The following CACNB2 variants were observed in gnomAD, a reference collection of about 807,000 sequenced individuals.
CACNB2 encodes calcium voltage-gated channel auxiliary subunit beta 2, also known as voltage-dependent L-type calcium channel subunit beta-2.
Under a neutral mutation model 73.3 loss-of-function variants are expected in CACNB2, and 42 were observed. That is an observed-to-expected ratio of 0.57 (90% confidence interval 0.45 to 0.74). The LOEUF is 0.74. Among genes scored for constraint, CACNB2 ranks in the 30% least tolerant of loss-of-function variants. The pLI, the probability that CACNB2 is intolerant of heterozygous loss-of-function variation, is 0.00. For missense variants in CACNB2, 940 were observed against 853.0 expected (o/e 1.10, Z -1.27); for synonymous variants, 348 against 310.3 (o/e 1.12, Z -1.28).
intron 3 of CACNB2, among the ~76,000 whole-genome samples, chr10:18,450,543 C>A (rs895649033): frequency 4.0e-5 from 6 of 151,790 alleles, no homozygotes; most frequent in African/African-American, 1.2e-4. Flanking sequence ...CTCACTGCTT[C>A]TTCAGAAAAG....
At chr10:18,443,866 C>T (rs950764294) in intron 3 of CACNB2, among the ~76,000 whole-genome samples, 4 of 152,054 alleles carry the variant, frequency 2.6e-5, no homozygotes, top group Non-Finnish European at 4.4e-5. Context: ...AGGTGCCTGC[C>T]GCCACACCTA....
chr10:18,421,083 T>C (rs754456290), intron 3 of CACNB2, among the ~76,000 whole-genome samples: 2 of 152,180 alleles, frequency 1.3e-5, no homozygotes, highest in African/African-American at 2.4e-5. Context: ...AAAATTCATA[T>C]GTATGTAAAA....
chr10:18,184,497 T>C (rs1459511179), intron 2 of CACNB2, among the ~76,000 whole-genome samples: 3 of 152,152 alleles, frequency 2.0e-5, no homozygotes, highest in Non-Finnish European at 4.4e-5. Context: ...AATACTGATA[T>C]ACTAACCAAC....
intron 2 of CACNB2, among the ~76,000 whole-genome samples, chr10:18,384,453 C>T (rs2043141736): frequency 6.6e-6 from 1 of 152,032 alleles, no homozygotes; most frequent in Non-Finnish European, 1.5e-5. Flanking sequence ...TGGCCAGGCG[C>T]AGTGGTTTAT....
chr10:18,318,400 G>A (rs963287318), intron 2 of CACNB2, among the ~76,000 whole-genome samples: 3 of 152,162 alleles, frequency 2.0e-5, no homozygotes, highest in African/African-American at 2.4e-5. Flanking sequence ...AATAATTGGT[G>A]CTGGGAAAAC....
chr10:18,297,824 G>T (rs1792708370), intron 2 of CACNB2, among the ~76,000 whole-genome samples: 1 of 152,166 alleles, frequency 6.6e-6, no homozygotes, highest in Non-Finnish European at 1.5e-5. Flanking sequence ...GCATTGGAGT[G>T]CACTATCCCT....
intron 3 of CACNB2, among the ~76,000 whole-genome samples, chr10:18,403,512 C>A (rs1377631288): frequency 6.6e-6 from 1 of 152,152 alleles, no homozygotes; most frequent in East Asian, 1.9e-4. Flanking sequence ...TGAACAGTTT[C>A]TCGGGCTTAT....
rs1564553843 is a variant in CACNB2 at position 18,442,976 on chromosome 10, ATATATATATG to A, written c.333+40943_333+40952del. 5.9e-4 allele frequency among the ~76,000 whole-genome samples: 13 copies of A among 22,080 alleles called. 2 individuals are homozygous for A. Among genetic ancestry groups the A allele is most frequent in the East Asian group, 6.8e-3 (2 of 292 alleles). The allele number at this position is 22,080 out of a possible 152,430, so 14.5% of individuals were successfully genotyped here. A position where few individuals can be genotyped will look rare whatever the true frequency, so the allele number is the denominator to read the frequency against. On this transcript the variant is annotated intron_variant, in intron 3 of 13. Coordinates refer to ENST00000324631, the MANE Select transcript of CACNB2 (RefSeq NM_201596.3). ...TATATATGTATATATATATGTGTAT[ATATATATATG>A]TATATATATATGTGTATATATATAT...
At chr10:18,414,177 G>C (rs2044799687) in intron 3 of CACNB2, among the ~76,000 whole-genome samples, 1 of 152,192 alleles carries the variant, frequency 6.6e-6, no homozygotes, top group African/African-American at 2.4e-5. Flanking sequence ...ACCCATCCCA[G>C]TGACGAAGGC....
intron 2 of CACNB2, among the ~76,000 whole-genome samples, chr10:18,223,395 A>C (rs2035868662): frequency 6.6e-6 from 1 of 152,230 alleles, no homozygotes; most frequent in African/African-American, 2.4e-5. Flanking sequence ...ATGAAATTTC[A>C]TTTAGCATAT....
intron 1 of CACNB2, among the ~76,000 whole-genome samples, chr10:18,147,235 C>A (rs1327060596): frequency 1.3e-5 from 2 of 152,182 alleles, no homozygotes; most frequent in Non-Finnish European, 2.9e-5. Flanking sequence ...TTCATTCACA[C>A]TAAGCTGATA....
At chr10:18,224,769 G>A (rs1779213) in intron 2 of CACNB2, among the ~76,000 whole-genome samples, 124,723 of 152,190 alleles carry the variant, frequency 0.82, 51,267 homozygotes, top group African/African-American at 0.84. Context: ...ACTTTACTGC[G>A]GGCTTTTACG....
intron 7 of CACNB2, chr10:18,514,880 TATTA>T: frequency 1.2e-6 from 1 of 808,742 alleles, no homozygotes; most frequent in Non-Finnish European, 2.1e-6. Context: ...TTAAAGCAGT[TATTA>T]AATTCTGACT....
At chr10:18,260,400 A>G in intron 2 of CACNB2, 1 of 983,118 alleles carries the variant, frequency 1.0e-6, no homozygotes. Flanking sequence ...CGCCTTCCAG[A>G]GTTATGTTTA....
At chr10:18,435,372 A>G (rs2046083385) in intron 3 of CACNB2, among the ~76,000 whole-genome samples, 1 of 152,130 alleles carries the variant, frequency 6.6e-6, no homozygotes, top group Admixed American at 6.6e-5. Flanking sequence ...GAACAGAAAA[A>G]TTTCTGAGAG....
intron 3 of CACNB2, among the ~76,000 whole-genome samples, chr10:18,470,540 G>A (rs574485363): frequency 8.8e-4 from 133 of 151,000 alleles, no homozygotes; most frequent in African/African-American, 2.9e-3. Flanking sequence ...TACTATTTAC[G>A]TTATTCTGTA....
chr10:18,401,111 G>A (rs1217244799), intron 2 of CACNB2: 5 of 1,614,176 alleles, frequency 3.1e-6, no homozygotes, highest in Non-Finnish European at 4.2e-6. Context: ...GTAAGCGCAA[G>A]GGCTTTCGTT....
At chr10:18,419,547 G>A (rs972052310) in intron 3 of CACNB2, among the ~76,000 whole-genome samples, 1 of 152,160 alleles carries the variant, frequency 6.6e-6, no homozygotes, top group Admixed American at 6.5e-5. Context: ...TTCAGGGGTG[G>A]TAGTTGAGTC....
intron 3 of CACNB2, among the ~76,000 whole-genome samples, chr10:18,483,166 A>G (rs1312798811): frequency 6.6e-6 from 1 of 152,016 alleles, no homozygotes; most frequent in African/African-American, 2.4e-5. Flanking sequence ...CTCTGCACTA[A>G]TCTAATCCCT....
Sources: gnomAD v4.1 joint callset for allele counts (sites outside exome capture counted in the v4.1 genomes callset) on GRCh38, gnomAD v4.1.1 for gene constraint, MANE v1.5 for transcripts, NCBI Gene and HGNC (gene_info 2026-07-23, HGNC 2026-07-21) for gene names.